Variants in GNB1 observed in about 807,000 individuals in gnomAD.
The protein encoded by GNB1 is G protein subunit beta 1, also known as guanine nucleotide-binding protein G(I)/G(S)/G(T) subunit beta-1.
Under a neutral mutation model 42.9 loss-of-function variants are expected in GNB1, and 2 were observed. The observed-to-expected ratio is 0.05, with a 90% confidence interval of 0.02 to 0.15. GNB1 has a LOEUF of 0.15. GNB1 is among the 10% of genes least tolerant of loss of function. The pLI is 1.00. For missense variants in GNB1, 193 were observed against 462.2 expected, an observed-to-expected ratio of 0.42 and a Z score of 5.34; for synonymous variants, 183 against 174.7, an observed-to-expected ratio of 1.05 and a Z score of -0.38.
chr1:1,861,866 A>C (rs1275523048), intron 1 of GNB1, among the ~76,000 whole-genome samples: 2 of 152,158 alleles, frequency 1.3e-5, no homozygotes, highest in Non-Finnish European at 2.9e-5. Flanking sequence ...CCAGACCCAA[A>C]GTGAGGGATG....
intron 1 of GNB1, among the ~76,000 whole-genome samples, chr1:1,870,149 C>T (rs1007870359): frequency 1.3e-5 from 2 of 152,166 alleles, no homozygotes; most frequent in Admixed American, 6.5e-5. Flanking sequence ...GCGTGAGCCA[C>T]CGCACCAGGC....
At chr1:1,788,834 C>A in intron 10 of GNB1, 1 of 521,462 alleles carries the variant, frequency 1.9e-6, no homozygotes, top group Non-Finnish European at 3.5e-6. Flanking sequence ...CTCCCCAGAG[C>A]CCTCCCCGAC....
At chr1:1,860,934 T>C (rs1450372565) in intron 1 of GNB1, among the ~76,000 whole-genome samples, 1 of 150,936 alleles carries the variant, frequency 6.6e-6, no homozygotes, top group Non-Finnish European at 1.5e-5. Flanking sequence ...ATGGCTAAAC[T>C]CCATGTCTAC....
intron 1 of GNB1, among the ~76,000 whole-genome samples, chr1:1,883,021 T>C (rs1274214270): frequency 6.6e-6 from 1 of 151,984 alleles, no homozygotes; most frequent in African/African-American, 2.4e-5. Flanking sequence ...CAGGTTACTG[T>C]GGCTCACATC....
intron 3 of GNB1, among the ~76,000 whole-genome samples, chr1:1,820,247 T>C (rs12140085): frequency 0.019 from 2,886 of 150,732 alleles, 53 homozygotes; most frequent in Middle Eastern, 0.031. Flanking sequence ...ATCGTAACTA[T>C]TTGGGGAGGC....
At chr1:1,874,738 T>C (rs754702117) in intron 1 of GNB1, among the ~76,000 whole-genome samples, 4 of 150,558 alleles carry the variant, frequency 2.7e-5, no homozygotes, top group Admixed American at 6.6e-5. Flanking sequence ...TGCAGTGAGC[T>C]GAGATGGTGC....
intron 2 of GNB1, among the ~76,000 whole-genome samples, chr1:1,826,736 C>T (rs180832028): frequency 6.6e-6 from 1 of 152,210 alleles, no homozygotes; most frequent in Non-Finnish European, 1.5e-5. Context: ...TCAGTACAAG[C>T]CGCCCTGCCT....
chr1:1,871,657 G>A (rs569559398), intron 1 of GNB1, among the ~76,000 whole-genome samples: 91 of 152,156 alleles, frequency 6.0e-4, no homozygotes, highest in Non-Finnish European at 1.0e-3. Flanking sequence ...GCTGTTAGCC[G>A]GCGGTTGGCA....
At chr1:1,819,541 G>T (rs1483575221) in intron 3 of GNB1, among the ~76,000 whole-genome samples, 3 of 151,076 alleles carry the variant, frequency 2.0e-5, no homozygotes, top group Non-Finnish European at 3.0e-5. Context: ...TTTAAACTAT[G>T]TATTTATTTA....
At chr1:1,847,139 G>A (rs1432964595) in intron 1 of GNB1, among the ~76,000 whole-genome samples, 1 of 151,736 alleles carries the variant, frequency 6.6e-6, no homozygotes, top group East Asian at 1.9e-4. Context: ...AGCACTGAAG[G>A]CAGGCAGGGA....
intron 7 of GNB1, 200 bp from the exon 8 acceptor site, chr1:1,793,511 C>T: frequency 2.2e-6 from 1 of 446,142 alleles, no homozygotes. Flanking sequence ...CCTGGCCAGG[C>T]AGGACAGCAC....
At chr1:1,840,233 GA>G (rs35854289) in intron 1 of GNB1, among the ~76,000 whole-genome samples, 34,175 of 120,292 alleles carry the variant, frequency 0.28, 4,031 homozygotes, top group Non-Finnish European at 0.31. Context: ...GTCTCGAAAA[GA>G]AAAAAAAAAA....
At chr1:1,872,158 T>G (rs1649284724) in intron 1 of GNB1, among the ~76,000 whole-genome samples, 1 of 152,060 alleles carries the variant, frequency 6.6e-6, no homozygotes, top group Admixed American at 6.6e-5. Context: ...TATGCTACAA[T>G]GCCCAGCTAA....
intron 1 of GNB1, among the ~76,000 whole-genome samples, chr1:1,850,850 T>C (rs1647941362): frequency 6.6e-6 from 1 of 152,192 alleles, no homozygotes; most frequent in Admixed American, 6.5e-5. Context: ...GGTACACCTC[T>C]TTGTCTGAGC....
chr1:1,886,759 T>G (rs1229978870), intron 1 of GNB1, among the ~76,000 whole-genome samples: 1 of 152,182 alleles, frequency 6.6e-6, no homozygotes, highest in Non-Finnish European at 1.5e-5. Context: ...CAGGCTGGAG[T>G]GCAGTGGCCG....
At position 1,790,455 on chromosome 1, in the gene GNB1, C is replaced by T. The variant is rs762104024; in HGVS notation, c.639G>A (p.Val213=). 9 of 1,614,092 alleles carry T rather than the reference C, an allele frequency of 5.6e-6. No homozygotes were observed. The highest frequency in any genetic ancestry group is 7.6e-6 in the Non-Finnish European group (9 of 1,179,958). ...ACDASAKLWD[V]REGMCRQTFT... The stretch of plus-strand genomic sequence containing the variant: ...AGGTCTGCCGGCACATGCCTTCTCG[C>T]ACATCCCAGAGTTTGGCTGAAGCAT... Residue 213 remains valine, a synonymous_variant, in exon 9 of 12, where the codon GTG becomes GTA. Coordinates refer to ENST00000378609, the MANE Select transcript of GNB1 (RefSeq NM_002074.5). This position sits in a 1 kb window ranked among gnomAD's most constrained non-coding sequence, Gnocchi z 5.4.
intron 1 of GNB1, among the ~76,000 whole-genome samples, chr1:1,867,704 A>G (rs1384187284): frequency 1.3e-5 from 2 of 152,172 alleles, no homozygotes; most frequent in African/African-American, 4.8e-5. Flanking sequence ...CCTTTGAACT[A>G]TAGTTCAGAG....
At position 1,790,628 on chromosome 1, in the gene GNB1, A is replaced by G. The variant is rs370763835; in HGVS notation, c.498-32T>C. The G allele has an allele frequency of 6.7e-5, 101 of 1,504,144 alleles. No homozygotes were observed. The African/African-American group carries it at 1.3e-3, about 20-fold the overall frequency. The allele number at this position is 1,504,144 out of a possible 1,614,324, so 93.2% of individuals were successfully genotyped here. A position where few individuals can be genotyped will look rare whatever the true frequency, so the allele number is the denominator to read the frequency against. On this transcript the variant is annotated intron_variant, in intron 8 of 11. Coordinates refer to ENST00000378609, the MANE Select transcript of GNB1 (RefSeq NM_002074.5). The surrounding 1 kb of genome is among the most constrained non-coding windows in gnomAD (Gnocchi z 5.4). ...CAGGAGCGAATGACAAGGGGACATCAGCCTTAACTTCTTGGGTGGCTAGTC... is the reference window on the plus strand; with the variant it reads ...CAGGAGCGAATGACAAGGGGACATCGGCCTTAACTTCTTGGGTGGCTAGTC...
At chr1:1,851,808 C>G (rs1358341747) in intron 1 of GNB1, among the ~76,000 whole-genome samples, 1 of 152,132 alleles carries the variant, frequency 6.6e-6, no homozygotes, top group Non-Finnish European at 1.5e-5. Flanking sequence ...CTTTGGGAGG[C>G]TGAGGTGGGT....
Sources: allele counts gnomAD v4.1 joint callset (sites outside exome capture counted in the v4.1 genomes callset), GRCh38; gene constraint gnomAD v4.1.1; non-coding constraint Gnocchi (gnomAD v3.1); transcripts MANE v1.5; gene names NCBI Gene and HGNC (gene_info 2026-07-23, HGNC 2026-07-21).